The following TRAPPC9 variants were observed in gnomAD, a reference collection of about 807,000 sequenced individuals.
TRAPPC9 encodes the protein trafficking protein particle complex subunit 9.
In TRAPPC9, 83 loss-of-function variants were observed where a neutral mutation model predicts 124.0. The ratio of observed to expected loss-of-function variants is 0.67; its 90% CI spans 0.56 to 0.80. TRAPPC9 has a LOEUF of 0.80. TRAPPC9 is among the 30% of genes least tolerant of loss of function. TRAPPC9 has a pLI of 0.00. For missense variants in TRAPPC9, 1,302 were observed against 1,508.3 expected (o/e 0.86, Z 2.27); for synonymous variants, 638 against 617.5 (o/e 1.03, Z -0.49).
At chr8:140,225,658 G>A (rs534299315) in intron 16 of TRAPPC9, among the ~76,000 whole-genome samples, 7 of 152,232 alleles carry the variant, frequency 4.6e-5, no homozygotes, top group South Asian at 4.2e-4. Context: ...CAGGTCAAGC[G>A]GACCTCTAAG....
intron 19 of TRAPPC9, chr8:139,931,405 AAAG>A: frequency 6.6e-6 from 1 of 152,178 alleles, no homozygotes; most frequent in African/African-American, 2.4e-5. Flanking sequence ...ACAGCCCTAG[AAAG>A]AAGGATGAAC....
chr8:139,922,303 C>G (rs1189153878), intron 19 of TRAPPC9, among the ~76,000 whole-genome samples: 1 of 152,094 alleles, frequency 6.6e-6, no homozygotes, highest in African/African-American at 2.4e-5. Context: ...CCTGTTTCAG[C>G]CTCCTGAGTA....
At chr8:140,219,970 CACA>C (rs1396762852) in intron 17 of TRAPPC9, among the ~76,000 whole-genome samples, 1 of 152,226 alleles carries the variant, frequency 6.6e-6, no homozygotes, top group African/African-American at 2.4e-5. Flanking sequence ...AGCATTTCAG[CACA>C]ACCTCTAATC....
At chr8:139,739,157 C>T (rs922547796) in intron 21 of TRAPPC9, among the ~76,000 whole-genome samples, 2 of 152,172 alleles carry the variant, frequency 1.3e-5, no homozygotes, top group East Asian at 1.9e-4. Flanking sequence ...CCTCCTGCCC[C>T]TCTTCCCCAT....
At chr8:140,420,785 T>TA (rs925948657) in intron 5 of TRAPPC9, among the ~76,000 whole-genome samples, 1 of 152,144 alleles carries the variant, frequency 6.6e-6, no homozygotes, top group African/African-American at 2.4e-5. Context: ...ATTGAAAACT[T>TA]AAAAGCAAAA....
intron 17 of TRAPPC9, among the ~76,000 whole-genome samples, chr8:140,119,268 G>A (rs185521934): frequency 7.2e-5 from 11 of 152,344 alleles, no homozygotes; most frequent in African/African-American, 2.6e-4. Context: ...GCTAATTTTA[G>A]CCATAGCCTA....
rs892989491 is a variant in TRAPPC9, at chr8:140,125,456, C to T, written c.2556+96003G>A. On this transcript the variant is annotated intron_variant, in intron 17 of 22. Transcript: ENST00000438773. ...CTAACTGGCATGGAACTCTGGAAAG[C>T]GCGTCATCTGTCATTTCAGAAAGCA... 3.9e-5 allele frequency among the ~76,000 whole-genome samples: 6 copies of T among 152,084 alleles called. No homozygotes were observed. In the South Asian group the frequency reaches 6.2e-4, roughly 16 times the overall value.
In TRAPPC9 at chr8:139,958,902, AGGGGAGCACTGCATTCCGAGTCACACG is replaced by A. The variant is rs1587343800; in HGVS notation, c.2810+29797_2810+29823del. 4.8e-3 allele frequency among the ~76,000 whole-genome samples: 686 copies of A among 143,552 alleles called. 12 individuals carry two copies. The highest frequency in any genetic ancestry group is 0.016 in the African/African-American group (596 of 37,470). 94.2% of individuals were successfully genotyped at this position (143,552 alleles called of 152,430 possible). ...CAGAGCACTGCATTCCGAGTCACAC[AGGGGAGCACTGCATTCCGAGTCACACG>A]GGGGAGCACTGCATTCCGAGTCACA... On this transcript the variant is annotated intron_variant, in intron 19 of 22. Coordinates refer to ENST00000438773, the MANE Select transcript of TRAPPC9 (RefSeq NM_001160372.4).
chr8:139,760,225 C>G (rs1231099026), intron 21 of TRAPPC9, among the ~76,000 whole-genome samples: 5 of 152,170 alleles, frequency 3.3e-5, no homozygotes, highest in Admixed American at 2.6e-4. Flanking sequence ...ACCCTTCGCT[C>G]TCCATCCTTG....
At chr8:140,366,223 T>C (rs1251725629) in intron 8 of TRAPPC9, among the ~76,000 whole-genome samples, 4 of 152,210 alleles carry the variant, frequency 2.6e-5, no homozygotes, top group Non-Finnish European at 5.9e-5. Context: ...AATCCTGCAA[T>C]GAACACACCT....
chr8:140,447,564 A>G (rs986394766), intron 2 of TRAPPC9, among the ~76,000 whole-genome samples: 1 of 152,202 alleles, frequency 6.6e-6, no homozygotes, highest in Non-Finnish European at 1.5e-5. Flanking sequence ...CTACAACACT[A>G]CATGGACAAG....
intron 18 of TRAPPC9, among the ~76,000 whole-genome samples, chr8:140,017,745 A>C (rs1372200732): frequency 6.6e-6 from 1 of 152,244 alleles, no homozygotes; most frequent in African/African-American, 2.4e-5. Context: ...CCACTAAACA[A>C]AAATCCTGCT....
chr8:140,451,052 A>T lies in TRAPPC9; in HGVS notation c.322T>A (p.Ser108Thr). 3 of 1,614,008 alleles carry T rather than the reference A, an allele frequency of 1.9e-6. No homozygotes were observed. In the South Asian group the frequency reaches 3.3e-5, roughly 18 times the overall value. ...KFHVQKEIYGSTLYDSRLFVF... is the reference protein window; with the variant it reads ...KFHVQKEIYGTTLYDSRLFVF... ...AAGAGCCGGGAGTCATACAGTGTGGAGCCGTAGATCTCCTTCTGCACGTGG... is the reference window on the plus strand; with the variant it reads ...AAGAGCCGGGAGTCATACAGTGTGGTGCCGTAGATCTCCTTCTGCACGTGG... The change falls in exon 2 of 23, where the codon TCC (serine) becomes ACC (threonine). Residue 108 changes from serine to threonine, a missense_variant. Around this residue, in one of 3 missense-constraint regions of TRAPPC9, gnomAD observed 657 missense variants for 811.2 expected, o/e 0.81. Transcript: ENST00000438773.
intron 9 of TRAPPC9, among the ~76,000 whole-genome samples, chr8:140,330,046 T>A (rs992419929): frequency 6.6e-6 from 1 of 151,916 alleles, no homozygotes; most frequent in Non-Finnish European, 1.5e-5. Flanking sequence ...GCCATTGCAC[T>A]CCAGCCTGGG....
chr8:139,731,351 T>C, intron 22 of TRAPPC9, 123 bp from the exon 23 acceptor site: 2 of 1,127,040 alleles, frequency 1.8e-6, no homozygotes, highest in East Asian at 2.6e-5. Flanking sequence ...CGCCCAGGCC[T>C]GGCTCCAGTG....
chr8:139,926,720 G>GA (rs1192393911), intron 19 of TRAPPC9, among the ~76,000 whole-genome samples: 1 of 151,510 alleles, frequency 6.6e-6, no homozygotes, highest in Non-Finnish European at 1.5e-5. Flanking sequence ...CTCTGCCTCA[G>GA]AAAAAAACAA....
intron 21 of TRAPPC9, among the ~76,000 whole-genome samples, chr8:139,732,756 C>T (rs370934695): frequency 3.9e-5 from 6 of 152,210 alleles, no homozygotes; most frequent in Non-Finnish European, 5.9e-5. Flanking sequence ...GTGTTTTCTT[C>T]ATTCTGTCAG....
intron 5 of TRAPPC9, among the ~76,000 whole-genome samples, chr8:140,415,955 T>C (rs1160436247): frequency 6.6e-6 from 1 of 152,092 alleles, no homozygotes; most frequent in Non-Finnish European, 1.5e-5. Flanking sequence ...AGCAAGACCC[T>C]GTCTCTTAAA....
chr8:139,798,214 C>T (rs2130656705), intron 21 of TRAPPC9, among the ~76,000 whole-genome samples: 1 of 152,288 alleles, frequency 6.6e-6, no homozygotes, highest in South Asian at 2.1e-4. Flanking sequence ...AGTGTACATG[C>T]TATGCTCTTT....
Sources: gnomAD v4.1 joint callset for allele counts (sites outside exome capture counted in the v4.1 genomes callset) on GRCh38, gnomAD v4.1.1 for gene constraint, gnomAD v4.1.1 regional missense constraint, MANE v1.5 for transcripts, NCBI Gene and HGNC (gene_info 2026-07-23, HGNC 2026-07-21) for gene names.